HS3ST4: variants seen among roughly 807,000 people sequenced by gnomAD.
HS3ST4 encodes the protein heparan sulfate glucosamine 3-O-sulfotransferase 4.
A neutral mutation model predicts 29.2 loss-of-function variants in HS3ST4; 17 were observed. The ratio of observed to expected loss-of-function variants is 0.58; its 90% CI spans 0.40 to 0.87. The LOEUF (loss-of-function observed/expected upper bound fraction) is 0.87, where lower values mean the gene tolerates loss of function less well. HS3ST4 is among the 40% of genes least tolerant of loss of function. HS3ST4 has a pLI of 0.00. For missense variants in HS3ST4, 627 were observed against 634.5 expected (o/e 0.99, Z 0.13); for synonymous variants, 314 against 285.7 (o/e 1.10, Z -1.00).
Position 25,840,097 on chromosome 16 carries a change from A to G in HS3ST4, c.734+146946A>G, listed in dbSNP as rs999269525. 2.0e-5 allele frequency among the ~76,000 whole-genome samples: 3 copies of G among 152,346 alleles called. 1 individual carries two copies. The highest frequency in any genetic ancestry group is 6.8e-3 in the Middle Eastern group (2 of 294). The stretch of plus-strand genomic sequence containing the variant: ...TGTTCTTTCTGGTCGATCTCTTCTT[A>G]CAACACCATAAGGCACCCTTGATCA... On this transcript the variant is annotated intron_variant, in intron 1 of 1. Transcript: ENST00000331351.
intron 1 of HS3ST4, among the ~76,000 whole-genome samples, chr16:25,815,354 C>T (rs1970188432): frequency 1.3e-5 from 2 of 152,136 alleles, no homozygotes; most frequent in Admixed American, 1.3e-4. Context: ...TTTCAAGTCT[C>T]GCTTTATTGC....
chr16:26,064,167 A>G (rs1333790656), intron 1 of HS3ST4, among the ~76,000 whole-genome samples: 1 of 152,202 alleles, frequency 6.6e-6, no homozygotes, highest in Non-Finnish European at 1.5e-5. Context: ...GAAACCAGCC[A>G]TTGTTCATCT....
intron 1 of HS3ST4, among the ~76,000 whole-genome samples, chr16:25,719,047 C>T (rs1163560242): frequency 6.6e-6 from 1 of 152,196 alleles, no homozygotes; most frequent in Non-Finnish European, 1.5e-5. Context: ...AGATCTTCTG[C>T]ACTGAAGTCT....
At chr16:25,708,394 C>CAG (rs777719150) in intron 1 of HS3ST4, among the ~76,000 whole-genome samples, 1 of 152,142 alleles carries the variant, frequency 6.6e-6, no homozygotes, top group Non-Finnish European at 1.5e-5. Flanking sequence ...TACTGGAATA[C>CAG]AGTTGTGTAT....
intron 1 of HS3ST4, among the ~76,000 whole-genome samples, chr16:25,819,749 A>T (rs1305468438): frequency 6.6e-6 from 1 of 152,156 alleles, no homozygotes; most frequent in Non-Finnish European, 1.5e-5. Context: ...GGGATTTGAC[A>T]TTCATTGGCC....
chr16:26,014,381 G>T (rs1025696867), intron 1 of HS3ST4, among the ~76,000 whole-genome samples: 1 of 152,078 alleles, frequency 6.6e-6, no homozygotes, highest in Non-Finnish European at 1.5e-5. Context: ...TACATGTGCA[G>T]GTTTGTTATA....
At chr16:26,064,810 T>G (rs1417143109) in intron 1 of HS3ST4, among the ~76,000 whole-genome samples, 2 of 151,896 alleles carry the variant, frequency 1.3e-5, no homozygotes, top group Non-Finnish European at 1.5e-5. Context: ...GGAGACGAGG[T>G]TTCCCCATGT....
chr16:25,695,613 G>A (rs1395484718), intron 1 of HS3ST4, among the ~76,000 whole-genome samples: 1 of 152,126 alleles, frequency 6.6e-6, no homozygotes, highest in Non-Finnish European at 1.5e-5. Context: ...CATTGATTTG[G>A]TATCAGATGG....
intron 1 of HS3ST4, among the ~76,000 whole-genome samples, chr16:25,956,240 C>A (rs1400146292): frequency 2.0e-5 from 3 of 152,178 alleles, no homozygotes; most frequent in Non-Finnish European, 4.4e-5. Context: ...CAAATGCCTC[C>A]ATGATTTCGT....
chr16:25,858,337 G>A (rs1177776925), intron 1 of HS3ST4, among the ~76,000 whole-genome samples: 1 of 152,070 alleles, frequency 6.6e-6, no homozygotes, highest in African/African-American at 2.4e-5. Flanking sequence ...ACACATGCAT[G>A]TACTCTGCTG....
chr16:26,029,845 T>C (rs2141752658), intron 1 of HS3ST4, among the ~76,000 whole-genome samples: 1 of 152,334 alleles, frequency 6.6e-6, no homozygotes, highest in South Asian at 2.1e-4. Flanking sequence ...CCACACGCAG[T>C]GTCAAAAGAA....
At chr16:25,732,913 T>G (rs1185210625) in intron 1 of HS3ST4, among the ~76,000 whole-genome samples, 1 of 152,206 alleles carries the variant, frequency 6.6e-6, no homozygotes, top group African/African-American at 2.4e-5. Flanking sequence ...CTTATAGCCC[T>G]GTGCCTAGCC....
intron 1 of HS3ST4, among the ~76,000 whole-genome samples, chr16:26,022,754 C>T (rs747637995): frequency 2.3e-4 from 35 of 151,620 alleles, no homozygotes; most frequent in South Asian, 8.4e-4. Context: ...CTCAAGTAAT[C>T]CTCCTGCCTT....
chr16:25,928,994 G>A (rs956077330), intron 1 of HS3ST4, among the ~76,000 whole-genome samples: 1 of 152,146 alleles, frequency 6.6e-6, no homozygotes, highest in Non-Finnish European at 1.5e-5. Context: ...TTGGTCCAAG[G>A]TGTGCAAGAG....
intron 1 of HS3ST4, among the ~76,000 whole-genome samples, chr16:26,109,480 C>A (rs1309467038): frequency 1.3e-5 from 2 of 152,142 alleles, no homozygotes; most frequent in South Asian, 2.1e-4. Flanking sequence ...AGCAACCAGG[C>A]ACAGCACTGG....
intron 1 of HS3ST4, among the ~76,000 whole-genome samples, chr16:26,050,868 C>T (rs1898333430): frequency 6.6e-6 from 1 of 152,084 alleles, no homozygotes; most frequent in Non-Finnish European, 1.5e-5. Context: ...CCTTTATGGC[C>T]CCCAGAAGCA....
intron 1 of HS3ST4, among the ~76,000 whole-genome samples, chr16:25,715,045 G>A (rs1037027358): frequency 1.2e-4 from 19 of 152,300 alleles, no homozygotes; most frequent in Non-Finnish European, 2.1e-4. Flanking sequence ...AGCGCCGGCC[G>A]GGCGCGGTGG....
intron 1 of HS3ST4, among the ~76,000 whole-genome samples, chr16:25,770,116 A>G (rs1966840052): frequency 6.6e-6 from 1 of 152,176 alleles, no homozygotes; most frequent in Admixed American, 6.5e-5. Flanking sequence ...AACAGAACTT[A>G]AAAGTTTCAG....
intron 1 of HS3ST4, among the ~76,000 whole-genome samples, chr16:25,857,412 C>T (rs1469765795): frequency 6.6e-6 from 1 of 152,146 alleles, no homozygotes; most frequent in Non-Finnish European, 1.5e-5. Flanking sequence ...TGTCTAAGGT[C>T]TTTACATGCT....
Sources: allele counts gnomAD v4.1 joint callset (sites outside exome capture counted in the v4.1 genomes callset), GRCh38; gene constraint gnomAD v4.1.1; transcripts MANE v1.5; gene names NCBI Gene and HGNC (gene_info 2026-07-23, HGNC 2026-07-21).